The following PCDHA3 variants were observed in gnomAD, a reference collection of about 807,000 sequenced individuals.
PCDHA3 encodes protocadherin alpha 3.
In PCDHA3, 41 loss-of-function variants were observed where a neutral mutation model predicts 62.2. The observed-to-expected ratio is 0.66, with a 90% CI of 0.51 to 0.86. The LOEUF (loss-of-function observed/expected upper bound fraction) is 0.86. PCDHA3 is among the 40% of genes least tolerant of loss of function. The pLI is 0.00. For missense variants in PCDHA3, 1,304 were observed against 1,241.2 expected (o/e 1.05, Z -0.76); for synonymous variants, 640 against 555.4 (o/e 1.15, Z -2.14).
intron 1 of PCDHA3, chr5:140,836,173 T>G (rs2150254721): frequency 6.2e-7 from 1 of 1,613,820 alleles, no homozygotes; most frequent in South Asian, 1.1e-5. Context: ...GTACGTGCAG[T>G]TGACGCTGAC....
chr5:140,899,788 C>T (rs1260643506), intron 1 of PCDHA3, among the ~76,000 whole-genome samples: 3 of 152,054 alleles, frequency 2.0e-5, no homozygotes, highest in Admixed American at 6.6e-5. Context: ...TGGTATAATT[C>T]GGCTGTGAAT....
At chr5:140,977,955 C>T (rs1280190913) in intron 1 of PCDHA3, among the ~76,000 whole-genome samples, 1 of 152,170 alleles carries the variant, frequency 6.6e-6, no homozygotes, top group African/African-American at 2.4e-5. Context: ...GACAGGGCCA[C>T]CTCAATCTCC....
chr5:140,911,515 T>C (rs2075517327), intron 1 of PCDHA3, among the ~76,000 whole-genome samples: 1 of 152,226 alleles, frequency 6.6e-6, no homozygotes, highest in African/African-American at 2.4e-5. Flanking sequence ...CAGTATCTGC[T>C]TCTGAAGCTA....
Position 140,875,636 on chromosome 5 carries a change from A to T in PCDHA3, c.2394+72045A>T, listed in dbSNP as rs574545388. On this transcript the variant is annotated intron_variant, in intron 1 of 3. Coordinates refer to ENST00000522353, the MANE Select transcript of PCDHA3 (RefSeq NM_018906.3). The stretch of plus-strand genomic sequence containing the variant: ...CGCATCGCTCAGGACCTGGGGCTGG[A>T]GCTGGCGGAGCTGGTGCCGCGCCTG... 6 of 1,613,488 alleles carry T rather than the reference A, an allele frequency of 3.7e-6. No individual in the cohort carries two copies. The Admixed American group carries it at 8.3e-5, about 22-fold the overall frequency.
intron 1 of PCDHA3, chr5:140,883,969 G>T (rs1398092888): frequency 5.6e-6 from 9 of 1,612,844 alleles, no homozygotes; most frequent in Non-Finnish European, 7.6e-6. Flanking sequence ...CGCTGCTGAC[G>T]CCCGGGGCTG....
At chr5:140,855,877 C>CT in intron 1 of PCDHA3, 1 of 897,114 alleles carries the variant, frequency 1.1e-6, no homozygotes, top group African/African-American at 1.7e-5. Flanking sequence ...CACAAAATAG[C>CT]TTTTTAGAAC....
intron 1 of PCDHA3, among the ~76,000 whole-genome samples, chr5:140,891,677 TTCTC>T (rs1335607297): frequency 2.6e-5 from 4 of 152,240 alleles, no homozygotes; most frequent in African/African-American, 9.6e-5. Context: ...AGTTTAATAA[TTCTC>T]TCTTCTTGCT....
At chr5:140,927,638 G>C (rs781909639) in intron 1 of PCDHA3, 1 of 1,614,024 alleles carries the variant, frequency 6.2e-7, no homozygotes, top group Admixed American at 1.7e-5. Flanking sequence ...GCACCCAATG[G>C]GACTGTGTTA....
intron 1 of PCDHA3, chr5:140,968,403 T>C (rs1554230673): frequency 6.2e-7 from 1 of 1,613,984 alleles, no homozygotes; most frequent in Non-Finnish European, 8.5e-7. Context: ...CGGGAGTTCT[T>C]TGTGACTGTG....
intron 1 of PCDHA3, chr5:140,829,261 G>A (rs1770190858): frequency 1.9e-6 from 3 of 1,614,114 alleles, no homozygotes; most frequent in South Asian, 1.1e-5. Flanking sequence ...GCTCGCTGAC[G>A]CCTCACGTCC....
In PCDHA3 at chr5:140,857,175, A is replaced by T. The variant is rs149086377; in HGVS notation, c.2394+53584A>T. 3 of 1,598,452 alleles carry T rather than the reference A, an allele frequency of 1.9e-6. 1 individual carries two copies. Among genetic ancestry groups the T allele is most frequent in the Non-Finnish European group, 2.6e-6 (3 of 1,167,876 alleles). On this transcript the variant is annotated intron_variant, in intron 1 of 3. Transcript: ENST00000522353. Reference sequence around the variant, plus strand: ...ATTGCCCTAATCAGCGTTTCTGACCATGATTCAGGAGCCAACGGACAGGTC... The same window carrying T: ...ATTGCCCTAATCAGCGTTTCTGACCTTGATTCAGGAGCCAACGGACAGGTC...
At chr5:140,986,031 G>A (rs1443664535) in intron 3 of PCDHA3, among the ~76,000 whole-genome samples, 5 of 152,198 alleles carry the variant, frequency 3.3e-5, no homozygotes, top group South Asian at 2.1e-4. Flanking sequence ...GAGCCACTGC[G>A]CCTGGCCTCA....
chr5:140,858,515 C>G lies in PCDHA3; in HGVS notation c.2394+54924C>G, dbSNP rs1554151726. ...TTACCGCATTTTCTCAAATATGTAT[C>G]AGAATATTTCATTTTTGTCTACATT... On this transcript the variant is annotated intron_variant, in intron 1 of 3. Coordinates refer to ENST00000522353, the MANE Select transcript of PCDHA3 (RefSeq NM_018906.3). 2.8e-6 allele frequency: 4 copies of G among 1,415,980 alleles called. 1 individual carries two copies. The African/African-American group carries it at 5.7e-5, about 20-fold the overall frequency. 87.7% of individuals were successfully genotyped at this position (1,415,980 alleles called of 1,614,324 possible).
At chr5:140,973,400 A>G (rs2096585870) in intron 1 of PCDHA3, among the ~76,000 whole-genome samples, 1 of 152,244 alleles carries the variant, frequency 6.6e-6, no homozygotes, top group Non-Finnish European at 1.5e-5. Flanking sequence ...AATCATATCT[A>G]TGAGCTTCCA....
chr5:140,809,106 C>T (rs540996422), intron 1 of PCDHA3: 54 of 1,613,952 alleles, frequency 3.3e-5, no homozygotes, highest in Admixed American at 6.7e-5. Context: ...CTGGACGAAA[C>T]GGACGCTCCG....
At chr5:140,906,750 T>C (rs782209238) in intron 1 of PCDHA3, among the ~76,000 whole-genome samples, 2 of 152,216 alleles carry the variant, frequency 1.3e-5, no homozygotes, top group Non-Finnish European at 2.9e-5. Flanking sequence ...ACACAGGGCA[T>C]GGTAATACTA....
chr5:140,978,791 A>T (rs1443899144), intron 1 of PCDHA3, 158 bp from the exon 2 acceptor site: 1 of 976,042 alleles, frequency 1.0e-6, no homozygotes, highest in South Asian at 4.7e-5. Flanking sequence ...AAAGTGCTAT[A>T]TATGTAGATA....
chr5:140,884,295 C>T, intron 1 of PCDHA3: 3 of 1,613,680 alleles, frequency 1.9e-6, no homozygotes, highest in South Asian at 2.2e-5. Context: ...GGCCAAGCGC[C>T]ACAGGCTTCG....
At chr5:141,000,589 A>G (rs1234300694) in intron 3 of PCDHA3, among the ~76,000 whole-genome samples, 3 of 150,422 alleles carry the variant, frequency 2.0e-5, no homozygotes, top group Admixed American at 2.0e-4. Context: ...CACCATGCCC[A>G]GCTAATTTTT....
Sources: gnomAD v4.1 joint callset for allele counts (sites outside exome capture counted in the v4.1 genomes callset) on GRCh38, gnomAD v4.1.1 for gene constraint, MANE v1.5 for transcripts, NCBI Gene and HGNC (gene_info 2026-07-23, HGNC 2026-07-21) for gene names.